Variants in RANBP10 observed in about 807,000 individuals in gnomAD.
RANBP10 encodes the protein RAN binding protein 10.
RANBP10 carries 24 observed loss-of-function variants against 72.8 expected under a neutral mutation model. That is an observed-to-expected ratio of 0.33 (90% CI 0.24 to 0.46). The LOEUF (loss-of-function observed/expected upper bound fraction) is 0.46. RANBP10 is among the 20% of genes least tolerant of loss of function. The pLI is 1.00. For missense variants in RANBP10, 679 were observed against 817.5 expected (o/e 0.83, Z 2.07); for synonymous variants, 310 against 322.3 (o/e 0.96, Z 0.41).
At chr16:67,766,695 CTT>C (rs1348799549) in intron 3 of RANBP10, among the ~76,000 whole-genome samples, 3 of 152,144 alleles carry the variant, frequency 2.0e-5, no homozygotes, top group Non-Finnish European at 4.4e-5. Flanking sequence ...AAATAAAACT[CTT>C]TTCTTTATAA....
At chr16:67,778,355 A>T (rs1567705206) in intron 2 of RANBP10, among the ~76,000 whole-genome samples, 1 of 148,310 alleles carries the variant, frequency 6.7e-6, no homozygotes, top group Non-Finnish European at 1.5e-5. Context: ...GTCTAAAATA[A>T]AAAAAAAAAG....
At chr16:67,795,953 G>C (rs1040599466) in intron 2 of RANBP10, among the ~76,000 whole-genome samples, 1 of 120,960 alleles carries the variant, frequency 8.3e-6, no homozygotes, top group African/African-American at 3.2e-5. Context: ...GCCTTACTCT[G>C]TTGCCCAGGC....
chr16:67,773,800 C>G (rs1011946055), intron 2 of RANBP10, among the ~76,000 whole-genome samples: 2 of 152,178 alleles, frequency 1.3e-5, no homozygotes, highest in African/African-American at 4.8e-5. Context: ...TTTTAAGCAG[C>G]ATTTGAGACA....
chr16:67,802,510 T>C (rs762894234), intron 2 of RANBP10, among the ~76,000 whole-genome samples: 4 of 152,138 alleles, frequency 2.6e-5, no homozygotes, highest in Non-Finnish European at 5.9e-5. Context: ...TGGTGGCGTA[T>C]GCCTGTAATC....
At chr16:67,779,320 G>A (rs1430079700) in intron 2 of RANBP10, among the ~76,000 whole-genome samples, 1 of 151,782 alleles carries the variant, frequency 6.6e-6, no homozygotes, top group Non-Finnish European at 1.5e-5. Context: ...GCTTGAGCCT[G>A]GGGTGGGTGG....
At chr16:67,785,003 A>G (rs1295807463) in intron 2 of RANBP10, among the ~76,000 whole-genome samples, 3 of 151,878 alleles carry the variant, frequency 2.0e-5, no homozygotes, top group Non-Finnish European at 2.9e-5. Context: ...TGAGGTCAGA[A>G]GTTTGAGACC....
intron 5 of RANBP10, among the ~76,000 whole-genome samples, 196 bp downstream of exon 5, chr16:67,737,817 A>C (rs753143141): frequency 6.6e-6 from 1 of 152,126 alleles, no homozygotes; most frequent in Non-Finnish European, 1.5e-5. Context: ...GAGTCGTAGG[A>C]AGACCAGACC....
At position 67,758,002 on chromosome 16, in the gene RANBP10, C is replaced by T. The variant is rs111954554; in HGVS notation, c.401-13547G>A. Among the ~76,000 whole-genome samples, 440 of 152,284 alleles carry T rather than the reference C, an allele frequency of 2.9e-3. 4 individuals are homozygous for T. Among genetic ancestry groups the T allele is most frequent in the African/African-American group, 0.01 (422 of 41,548 alleles). On this transcript the variant is annotated intron_variant, in intron 3 of 13. Coordinates refer to ENST00000317506, the MANE Select transcript of RANBP10 (RefSeq NM_020850.3). Reference sequence around the variant, plus strand: ...GCATGCCTTCCCATGGGCACCTAGGCCCTCCACTGAGATAGGACCCAGGTG... The same window carrying T: ...GCATGCCTTCCCATGGGCACCTAGGTCCTCCACTGAGATAGGACCCAGGTG...
At chr16:67,738,169 C>CAAAA in intron 4 of RANBP10, 134 bp from the exon 5 acceptor site, 1 of 999,188 alleles carries the variant, frequency 1.0e-6, no homozygotes, top group Non-Finnish European at 1.4e-6. Flanking sequence ...GACAGAGTCT[C>CAAAA]CCTCCGTAGC....
intron 3 of RANBP10, among the ~76,000 whole-genome samples, chr16:67,745,409 A>ACTGCAACCT (rs2054052288): frequency 6.6e-6 from 1 of 151,914 alleles, no homozygotes; most frequent in South Asian, 2.1e-4. Context: ...ATCTTGGCTC[A>ACTGCAACCT]CTGCAACCTC....
intron 3 of RANBP10, among the ~76,000 whole-genome samples, chr16:67,759,958 G>A (rs1159565581): frequency 1.3e-5 from 2 of 152,034 alleles, no homozygotes; most frequent in East Asian, 1.9e-4. Context: ...AAATTAGCTG[G>A]GTGTGGTGGC....
At chr16:67,751,788 C>T (rs1172628647) in intron 3 of RANBP10, among the ~76,000 whole-genome samples, 1 of 151,950 alleles carries the variant, frequency 6.6e-6, no homozygotes, top group East Asian at 1.9e-4. Flanking sequence ...TGGTGGCGTG[C>T]TCCTGTAATC....
At chr16:67,765,576 C>T (rs1445009202) in intron 3 of RANBP10, among the ~76,000 whole-genome samples, 1 of 152,072 alleles carries the variant, frequency 6.6e-6, no homozygotes, top group East Asian at 1.9e-4. Context: ...GTGGCTCACG[C>T]CTGTAGTCCC....
intron 13 of RANBP10, 38 bp from the exon 14 acceptor site, chr16:67,726,596 C>G (rs1597814332): frequency 1.3e-6 from 2 of 1,530,678 alleles, no homozygotes; most frequent in East Asian, 4.9e-5. Flanking sequence ...CTGGCCTGCC[C>G]AGGGCTTGGG....
chr16:67,730,114 T>G lies in RANBP10; in HGVS notation c.890-68A>C. 6.9e-7 allele frequency: 1 copy of G among 1,443,124 alleles called. No homozygotes were observed. The highest frequency in any genetic ancestry group is 1.1e-5 in the South Asian group (1 of 87,056). 89.4% of individuals were successfully genotyped at this position (1,443,124 alleles called of 1,614,324 possible). A position where few individuals can be genotyped will look rare whatever the true frequency, so the allele number is the denominator to read the frequency against. ...CTCTCCCACAGCCACACACCTGGGA[T>G]GCTGCCAGCCTCAGGGTAGGGTCCG... On this transcript the variant is annotated intron_variant, in intron 7 of 13. Transcript: ENST00000317506. The surrounding 1 kb of genome is among the most constrained non-coding windows in gnomAD (Gnocchi z 4.3).
At chr16:67,737,362 G>A (rs562113234) in intron 5 of RANBP10, among the ~76,000 whole-genome samples, 3 of 151,750 alleles carry the variant, frequency 2.0e-5, no homozygotes, top group Non-Finnish European at 2.9e-5. Flanking sequence ...AACCAGGCCC[G>A]GCTAACTTTT....
At chr16:67,756,388 G>A (rs1206489310) in intron 3 of RANBP10, among the ~76,000 whole-genome samples, 2 of 152,228 alleles carry the variant, frequency 1.3e-5, no homozygotes, top group Admixed American at 6.5e-5. Flanking sequence ...CCTGGCCCAC[G>A]GCTGACCAGG....
At chr16:67,746,466 G>C (rs1277265540) in intron 3 of RANBP10, among the ~76,000 whole-genome samples, 1 of 152,038 alleles carries the variant, frequency 6.6e-6, no homozygotes, top group African/African-American at 2.4e-5. Flanking sequence ...GGGCGACACA[G>C]CAAGACTCCG....
intron 3 of RANBP10, 28 bp downstream of exon 3, chr16:67,772,006 A>T (rs1222365418): frequency 1.2e-6 from 2 of 1,609,902 alleles, no homozygotes; most frequent in Non-Finnish European, 1.7e-6. Flanking sequence ...GGAGAGCAGA[A>T]CAAATGTTCT....
Sources: allele counts gnomAD v4.1 joint callset (sites outside exome capture counted in the v4.1 genomes callset), GRCh38; gene constraint gnomAD v4.1.1; non-coding constraint Gnocchi (gnomAD v3.1); transcripts MANE v1.5; gene names NCBI Gene and HGNC (gene_info 2026-07-23, HGNC 2026-07-21).